SHROOM3: variants seen among roughly 807,000 people sequenced by gnomAD.
The protein encoded by SHROOM3 is protein Shroom3.
A neutral mutation model predicts 138.6 loss-of-function variants in SHROOM3; 47 were observed. That is an observed-to-expected ratio of 0.34 (90% CI 0.27 to 0.43). The LOEUF is 0.43. Ranked by LOEUF, SHROOM3 falls within the 20% of genes least tolerant of loss-of-function variation. The probability of loss-of-function intolerance (pLI) is 1.00; values close to 1 mark genes in which losing one functional copy is unlikely to be tolerated. For missense variants in SHROOM3, 2,491 were observed against 2,596.5 expected (o/e 0.96, Z 0.88); for synonymous variants, 1,062 against 1,063.3 (o/e 1.00, Z 0.02).
At chr4:76,617,644 G>A (rs1363537651) in intron 2 of SHROOM3, among the ~76,000 whole-genome samples, 1 of 152,114 alleles carries the variant, frequency 6.6e-6, no homozygotes, top group Non-Finnish European at 1.5e-5. Context: ...ATCATCTAAG[G>A]GTTTTTGGTT....
chr4:76,713,864 T>C (rs912440766), intron 3 of SHROOM3, among the ~76,000 whole-genome samples: 4 of 152,180 alleles, frequency 2.6e-5, no homozygotes, highest in African/African-American at 9.7e-5. Context: ...TGACTGTAAA[T>C]TGTAAGCCCT....
intron 2 of SHROOM3, among the ~76,000 whole-genome samples, chr4:76,654,247 T>G (rs778115997): frequency 2.0e-5 from 3 of 152,066 alleles, no homozygotes; most frequent in African/African-American, 4.8e-5. Context: ...GCCTGGTGTG[T>G]GTTGAGTGTT....
chr4:76,620,436 A>T (rs1734980188), intron 2 of SHROOM3, among the ~76,000 whole-genome samples: 1 of 152,230 alleles, frequency 6.6e-6, no homozygotes, highest in Admixed American at 6.5e-5. Flanking sequence ...AGTGCCCAGG[A>T]GAGGAGGGCT....
chr4:76,542,727 C>T (rs1733132117), intron 1 of SHROOM3, among the ~76,000 whole-genome samples: 1 of 152,258 alleles, frequency 6.6e-6, no homozygotes, highest in Non-Finnish European at 1.5e-5. Flanking sequence ...TTTTGGACTT[C>T]TGACCTCCAG....
chr4:76,491,087 T>A (rs1242306141), intron 1 of SHROOM3, among the ~76,000 whole-genome samples: 2 of 152,218 alleles, frequency 1.3e-5, no homozygotes, highest in Non-Finnish European at 2.9e-5. Flanking sequence ...GTGGTCTGAC[T>A]GTGAAGTGAT....
At chr4:76,658,038 A>T (rs375961171) in intron 2 of SHROOM3, among the ~76,000 whole-genome samples, 3 of 152,204 alleles carry the variant, frequency 2.0e-5, no homozygotes, top group Admixed American at 2.0e-4. Context: ...TTCCACATTG[A>T]TAAAATGAAG....
intron 9 of SHROOM3, among the ~76,000 whole-genome samples, chr4:76,761,787 G>C (rs1172871095): frequency 6.6e-6 from 1 of 152,168 alleles, no homozygotes; most frequent in East Asian, 1.9e-4. Flanking sequence ...GTGCCTTTTG[G>C]GGGAGTCACG....
intron 1 of SHROOM3, among the ~76,000 whole-genome samples, chr4:76,531,967 T>C (rs1732837320): frequency 6.6e-6 from 1 of 151,804 alleles, no homozygotes; most frequent in Non-Finnish European, 1.5e-5. Context: ...TGCAGGTTTG[T>C]TACATATGTA....
intron 2 of SHROOM3, among the ~76,000 whole-genome samples, chr4:76,615,507 T>A (rs1734855260): frequency 6.6e-6 from 1 of 152,202 alleles, no homozygotes; most frequent in Admixed American, 6.5e-5. Context: ...ACAAATCCTG[T>A]TAGAAGTTGA....
chr4:76,637,487 C>G (rs1735530709), intron 2 of SHROOM3: 1 of 152,196 alleles, frequency 6.6e-6, no homozygotes, highest in Non-Finnish European at 1.5e-5. Flanking sequence ...GAAGATTACT[C>G]TGAATAATTC....
chr4:76,633,596 G>A (rs886300123), intron 2 of SHROOM3, among the ~76,000 whole-genome samples: 1 of 147,460 alleles, frequency 6.8e-6, no homozygotes, highest in African/African-American at 2.5e-5. Context: ...GGCGGAGCTT[G>A]CAGTGAGCCG....
intron 2 of SHROOM3, among the ~76,000 whole-genome samples, chr4:76,569,203 C>A (rs1733786785): frequency 6.6e-6 from 1 of 152,206 alleles, no homozygotes; most frequent in Admixed American, 6.5e-5. Flanking sequence ...TTACGTTTCT[C>A]ACCAGTGAAA....
chr4:76,630,220 C>A (rs938146478), intron 2 of SHROOM3, among the ~76,000 whole-genome samples: 14 of 152,308 alleles, frequency 9.2e-5, no homozygotes, highest in African/African-American at 3.4e-4. Flanking sequence ...AGAGGCTAGG[C>A]TCAGAGGAGT....
chr4:76,458,526 A>G (rs1179616440), intron 1 of SHROOM3, among the ~76,000 whole-genome samples: 1 of 152,142 alleles, frequency 6.6e-6, no homozygotes, highest in African/African-American at 2.4e-5. Flanking sequence ...ATCTTCCCAT[A>G]CTGAAACTCT....
At chr4:76,670,683 G>C (rs574748447) in intron 2 of SHROOM3, among the ~76,000 whole-genome samples, 2 of 152,226 alleles carry the variant, frequency 1.3e-5, no homozygotes, top group Non-Finnish European at 2.9e-5. Flanking sequence ...GCTAGGTGCA[G>C]TGGCACATGC....
rs755217045 is a variant in SHROOM3, at chr4:76,730,918, C to T, written c.570C>T (p.His190=). The T allele has an allele frequency of 6.2e-7, 1 of 1,614,090 alleles. No homozygotes were observed. The highest frequency in any genetic ancestry group is 2.2e-5 in the East Asian group (1 of 44,872). The change falls in exon 4 of 11, where the codon CAC becomes CAT. Residue 190 remains histidine (H), a synonymous_variant. Transcript: ENST00000296043. ...ISQGMIGPPW[H]QSYHSSSSTS... ...AGGGTATGATCGGCCCTCCTTGGCA[C>T]CAAAGCTACCATTCCAGGTAAGTGG...
intron 1 of SHROOM3, among the ~76,000 whole-genome samples, chr4:76,507,597 C>T (rs946004764): frequency 2.3e-4 from 34 of 147,904 alleles, no homozygotes; most frequent in African/African-American, 7.1e-4. Flanking sequence ...AGTGCAGTGG[C>T]GTGATCTCGG....
chr4:76,491,013 T>C (rs181700633), intron 1 of SHROOM3, among the ~76,000 whole-genome samples: 2 of 152,320 alleles, frequency 1.3e-5, no homozygotes, highest in Admixed American at 1.3e-4. Flanking sequence ...GTTTTCTCAA[T>C]AGGAAAGTCA....
chr4:76,712,797 AT>A (rs1156861578), intron 3 of SHROOM3, among the ~76,000 whole-genome samples: 1 of 152,196 alleles, frequency 6.6e-6, no homozygotes, highest in African/African-American at 2.4e-5. Flanking sequence ...TCATTAAGCG[AT>A]TTTATTGTTG....
Sources: gnomAD v4.1 joint callset for allele counts (sites outside exome capture counted in the v4.1 genomes callset) on GRCh38, gnomAD v4.1.1 for gene constraint, MANE v1.5 for transcripts, NCBI Gene and HGNC (gene_info 2026-07-23, HGNC 2026-07-21) for gene names.